BNC1: variants seen among roughly 807,000 people sequenced by gnomAD.
The protein encoded by BNC1 is zinc finger protein basonuclin-1.
BNC1 carries 8 observed loss-of-function variants against 66.5 expected under a neutral mutation model. The ratio of observed to expected loss-of-function variants is 0.12; its 90% CI spans 0.07 to 0.22. The LOEUF (loss-of-function observed/expected upper bound fraction) is 0.22, where lower values mean the gene tolerates loss of function less well. Ranked by LOEUF, BNC1 falls within the 10% of genes least tolerant of loss-of-function variation. BNC1 has a pLI of 1.00. For synonymous variants in BNC1, 454 were observed against 452.6 expected (o/e 1.00, Z -0.04); for missense variants, 1,069 against 1,241.3 (o/e 0.86, Z 2.09).
At chr15:83,262,128 A>G (rs983037157) in intron 4 of BNC1, among the ~76,000 whole-genome samples, 3 of 149,970 alleles carry the variant, frequency 2.0e-5, no homozygotes, top group Non-Finnish European at 4.4e-5. Flanking sequence ...GCTCACTGCA[A>G]TCTCTGCCTC....
At chr15:83,258,160 G>A (rs764181515) in intron 4 of BNC1, 34 bp from the exon 5 acceptor site, 6 of 1,551,188 alleles carry the variant, frequency 3.9e-6, no homozygotes, top group Non-Finnish European at 5.2e-6. Flanking sequence ...GTAATGGGTT[G>A]GGCTGTTTTA....
rs760559224 is a variant in BNC1, at chr15:83,268,247, A to G, written c.100-15T>C. ...CAGCTGATAGCCTGAAAAAGAGGAGAAAACAGGTATGTGGAGCATGTAAGT... is the reference window on the plus strand; with the variant it reads ...CAGCTGATAGCCTGAAAAAGAGGAGGAAACAGGTATGTGGAGCATGTAAGT... On this transcript the variant is annotated splice_polypyrimidine_tract_variant and intron_variant, in intron 1 of 4. Transcript: ENST00000345382. The G allele has an allele frequency of 2.5e-6, 4 of 1,597,568 alleles. No homozygotes were observed. The Admixed American group carries it at 5.0e-5, about 20-fold the overall frequency.
chr15:83,263,247 A>C lies in BNC1; in HGVS notation c.2004T>G (p.Phe668Leu). The C allele has an allele frequency of 6.2e-7, 1 of 1,614,236 alleles. No individual in the cohort carries two copies. Among genetic ancestry groups the C allele is most frequent in the Non-Finnish European group, 8.5e-7 (1 of 1,180,048 alleles). ...FTPGMEPQVP[F>L]SDYMELQQRL... ...GCTGCTGCAGTTCCATGTAGTCAGA[A>C]AAAGGAACTTGGGGTTCCATCCCAG... is the stretch of plus-strand genomic sequence containing the variant. The change falls in exon 4 of 5, where the codon TTT becomes TTG. Residue 668 changes from phenylalanine to leucine, a missense_variant. Physicochemically the swap from Phe to Leu is conservative, Grantham distance 22. Coordinates refer to ENST00000345382, the MANE Select transcript of BNC1 (RefSeq NM_001717.4).
intron 1 of BNC1, among the ~76,000 whole-genome samples, chr15:83,269,551 G>GAATCT (rs2038250187): frequency 1.3e-5 from 2 of 152,276 alleles, no homozygotes; most frequent in South Asian, 4.2e-4. Context: ...AGGGAAAGGA[G>GAATCT]AATCTAGCTG....
chr15:83,274,295 G>GA (rs2038297731), intron 1 of BNC1, among the ~76,000 whole-genome samples: 1 of 152,312 alleles, frequency 6.6e-6, no homozygotes, highest in Admixed American at 6.5e-5. Flanking sequence ...TGAGCCAGGA[G>GA]AATGGTGTGA....
intron 1 of BNC1, among the ~76,000 whole-genome samples, chr15:83,275,073 C>A (rs937322680): frequency 6.6e-6 from 1 of 152,192 alleles, no homozygotes; most frequent in South Asian, 2.1e-4. Flanking sequence ...AGGCATTGTT[C>A]TAAATTCTAC....
At chr15:83,275,762 A>G (rs909829798) in intron 1 of BNC1, among the ~76,000 whole-genome samples, 4 of 152,304 alleles carry the variant, frequency 2.6e-5, no homozygotes, top group South Asian at 2.1e-4. Context: ...TAAGGGGCCA[A>G]TGTAGCTGGA....
intron 1 of BNC1, among the ~76,000 whole-genome samples, chr15:83,277,245 T>A (rs993347297): frequency 2.6e-5 from 4 of 152,122 alleles, no homozygotes; most frequent in Non-Finnish European, 2.9e-5. Flanking sequence ...AGCTAATTTT[T>A]AAAAAAATGT....
intron 1 of BNC1, among the ~76,000 whole-genome samples, chr15:83,283,841 G>A (rs1484306278): frequency 6.6e-6 from 1 of 152,236 alleles, no homozygotes; most frequent in Non-Finnish European, 1.5e-5. Flanking sequence ...GGAAGCTTTC[G>A]GACCGGACCT....
chr15:83,275,125 A>G (rs949256537), intron 1 of BNC1, among the ~76,000 whole-genome samples: 2 of 152,262 alleles, frequency 1.3e-5, no homozygotes, highest in African/African-American at 4.8e-5. Context: ...CCCTACCTTC[A>G]AGGAGCTTAT....
At chr15:83,282,876 ACT>A (rs920327210) in intron 1 of BNC1, among the ~76,000 whole-genome samples, 5 of 150,208 alleles carry the variant, frequency 3.3e-5, no homozygotes, top group Non-Finnish European at 1.5e-5. Context: ...TCACACACAC[ACT>A]CTCTCTCTCC....
intron 1 of BNC1, among the ~76,000 whole-genome samples, chr15:83,281,323 C>G (rs2038376738): frequency 6.6e-6 from 1 of 152,200 alleles, no homozygotes; most frequent in South Asian, 2.1e-4. Flanking sequence ...TCTTTAACAT[C>G]TCTCAGAGAA....
chr15:83,284,400 C>G, intron 1 of BNC1, 130 bp downstream of exon 1: 1 of 533,564 alleles, frequency 1.9e-6, no homozygotes, highest in Non-Finnish European at 2.4e-6. Flanking sequence ...GCCGCGCTGC[C>G]GCGCAGGTAG....
At position 83,257,844 on chromosome 15, in the gene BNC1, G is replaced by A. The variant is rs1325342666; in HGVS notation, c.2583C>T (p.Thr861=). The change falls in exon 5 of 5, where the codon ACC becomes ACT. Residue 861 remains threonine (T), a synonymous_variant. Coordinates refer to ENST00000345382, the MANE Select transcript of BNC1 (RefSeq NM_001717.4). ...TGCTACTCTCTGACTTCATGCTCGA[G>A]GTAGTGCTCAAATCCAGGATGGTGC... is the stretch of plus-strand genomic sequence containing the variant. ...SEGTILDLST[T]SSMKSESSSH... 3.7e-6 allele frequency: 6 copies of A among 1,614,068 alleles called. No individual in the cohort carries two copies. In the Admixed American group the frequency reaches 8.3e-5, roughly 22 times the overall value.
intron 1 of BNC1, among the ~76,000 whole-genome samples, chr15:83,277,049 T>C (rs547320132): frequency 1.4e-4 from 22 of 152,328 alleles, no homozygotes; most frequent in Admixed American, 1.2e-3. Flanking sequence ...AATCACTTTT[T>C]AACAGCCACC....
chr15:83,264,461 A>G lies in BNC1; in HGVS notation c.790T>C (p.Tyr264His), dbSNP rs777995282. The G allele has an allele frequency of 7.4e-6, 12 of 1,614,038 alleles. No homozygotes were observed. The South Asian group carries it at 1.2e-4, about 16-fold the overall frequency. The change falls in exon 4 of 5, where the codon TAT (tyrosine) becomes CAT (histidine). Residue 264 changes from tyrosine (Y) to histidine (H), a missense_variant. Around this residue, in one of 7 missense-constraint regions of BNC1, gnomAD observed 181 missense variants for 181.5 expected, o/e 1.00. Coordinates refer to ENST00000345382, the MANE Select transcript of BNC1 (RefSeq NM_001717.4). ...TGGTCATGACCCTGCTCCAACATAT[A>G]TTGTTCGGGCAATGACCCTATCAGT... ...PALIGSLPEQYMLEQGHDQSQ... is the reference protein window; with the variant it reads ...PALIGSLPEQHMLEQGHDQSQ...
chr15:83,269,147 C>A (rs1030232619), intron 1 of BNC1, among the ~76,000 whole-genome samples: 10 of 152,282 alleles, frequency 6.6e-5, no homozygotes, highest in African/African-American at 1.9e-4. Context: ...TCGCTTAAAC[C>A]CGGGAGGCTG....
Position 83,256,237 on chromosome 15 carries a change from A to G in BNC1, c.*1205T>C, listed in dbSNP as rs1392629597. ...ACAAAATCAATGTCCTTGTACCTAC[A>G]CAGGCTTTTAGAATGCTGCAAATGC... On this transcript the variant is annotated 3_prime_UTR_variant, in exon 5 of 5. Coordinates refer to ENST00000345382, the MANE Select transcript of BNC1 (RefSeq NM_001717.4). 1 of 152,636 alleles carries G rather than the reference A, an allele frequency of 6.6e-6. No homozygotes were observed. Among genetic ancestry groups the G allele is most frequent in the Admixed American group, 6.5e-5 (1 of 15,276 alleles). The allele number at this position is 152,636 out of a possible 1,614,324, so 9.5% of individuals were successfully genotyped here. A position where few individuals can be genotyped will look rare whatever the true frequency, so the allele number is the denominator to read the frequency against.
chr15:83,264,583 T>A lies in BNC1; in HGVS notation c.668A>T (p.Asp223Val), dbSNP rs2038194858. 2 of 1,614,100 alleles carry A rather than the reference T, an allele frequency of 1.2e-6. No individual in the cohort carries two copies. The highest frequency in any genetic ancestry group is 1.7e-6 in the Non-Finnish European group (2 of 1,179,992). The change falls in exon 4 of 5, where the codon GAC becomes GTC. Residue 223 changes from aspartate to valine, a missense_variant. Physicochemically the swap from Asp to Val is radical, Grantham distance 152 (BLOSUM62 -3). Coordinates refer to ENST00000345382, the MANE Select transcript of BNC1 (RefSeq NM_001717.4). ...GTGTATACTGCTGGGGTTTCCTTTGTCCACAGGAGTGGGGAGGCTAGAACT... is the reference window on the plus strand; with the variant it reads ...GTGTATACTGCTGGGGTTTCCTTTGACCACAGGAGTGGGGAGGCTAGAACT... ...HRSSSLPTPVDKGNPSSIHPF... is the reference protein window; with the variant it reads ...HRSSSLPTPVVKGNPSSIHPF...
Sources: allele counts gnomAD v4.1 joint callset (sites outside exome capture counted in the v4.1 genomes callset), GRCh38; gene constraint gnomAD v4.1.1; regional missense constraint gnomAD v4.1.1; transcripts MANE v1.5; gene names NCBI Gene and HGNC (gene_info 2026-07-23, HGNC 2026-07-21).